The following TRIM29 variants were observed in gnomAD, a reference collection of about 807,000 sequenced individuals.
TRIM29 encodes the protein tripartite motif-containing protein 29.
TRIM29 carries 52 observed loss-of-function variants against 57.3 expected under a neutral mutation model. That is an observed-to-expected ratio of 0.91 (90% CI 0.73 to 1.14). The LOEUF (loss-of-function observed/expected upper bound fraction) is 1.14. Ranked by LOEUF, TRIM29 falls within the 50% of genes most tolerant of loss-of-function variation. The pLI is 0.00. For synonymous variants in TRIM29, 319 were observed against 316.9 expected (o/e 1.01, Z -0.07); for missense variants, 753 against 774.6 (o/e 0.97, Z 0.33).
intron 1 of TRIM29, among the ~76,000 whole-genome samples, chr11:120,132,077 C>G (rs1044200084): frequency 2.0e-5 from 3 of 151,624 alleles, no homozygotes; most frequent in Non-Finnish European, 4.4e-5. Context: ...AAGAGGCGCA[C>G]CTAGAGGTGG....
intron 8 of TRIM29, among the ~76,000 whole-genome samples, chr11:120,112,980 T>G (rs1863172492): frequency 6.6e-6 from 1 of 152,156 alleles, no homozygotes; most frequent in African/African-American, 2.4e-5. Context: ...ACTCAGCTGG[T>G]AAGCAAGGAG....
chr11:120,112,549 A>C, intron 8 of TRIM29, 73 bp from the exon 9 acceptor site: 1 of 1,537,942 alleles, frequency 6.5e-7, no homozygotes, highest in Non-Finnish European at 9.0e-7. Context: ...ACCCTACCCT[A>C]ACCTGCCTCA....
chr11:120,120,546 GCAC>G, intron 6 of TRIM29, 24 bp downstream of exon 6: 1 of 1,602,350 alleles, frequency 6.2e-7, no homozygotes, highest in Non-Finnish European at 8.5e-7. Flanking sequence ...TGAACTCTGT[GCAC>G]CCTTGAGCTG....
intron 2 of TRIM29, 63 bp downstream of exon 2, chr11:120,128,337 G>C: frequency 1.3e-6 from 2 of 1,486,106 alleles, no homozygotes; most frequent in Non-Finnish European, 1.9e-6. Flanking sequence ...GCCAAGGCCT[G>C]CGTCTTTCCA....
At chr11:120,127,894 A>C (rs1467444439) in intron 2 of TRIM29, among the ~76,000 whole-genome samples, 2 of 152,234 alleles carry the variant, frequency 1.3e-5, no homozygotes, top group African/African-American at 4.8e-5. Context: ...AACCCTAACC[A>C]GAACCAAACA....
intron 4 of TRIM29, among the ~76,000 whole-genome samples, chr11:120,123,646 G>A (rs1446618518): frequency 6.6e-6 from 1 of 152,184 alleles, no homozygotes; most frequent in Admixed American, 6.5e-5. Flanking sequence ...AACTCAAACA[G>A]ATCTGCTGCT....
intron 7 of TRIM29, chr11:120,116,834 C>T: frequency 4.2e-6 from 1 of 237,406 alleles, no homozygotes; most frequent in Non-Finnish European, 8.5e-6. Flanking sequence ...GTGGGGCATG[C>T]ATCCCTCTCC....
intron 2 of TRIM29, among the ~76,000 whole-genome samples, chr11:120,127,841 G>A (rs1166524680): frequency 6.6e-6 from 1 of 152,108 alleles, no homozygotes; most frequent in Non-Finnish European, 1.5e-5. Context: ...ATCATTCCCT[G>A]TGGGCCCCAA....
chr11:120,123,068 G>A lies in TRIM29; in HGVS notation c.1334-13C>T, dbSNP rs769296441. 1.4e-5 allele frequency: 22 copies of A among 1,613,648 alleles called. No homozygotes were observed. The African/African-American group carries it at 2.5e-4, about 19-fold the overall frequency. On this transcript the variant is annotated splice_polypyrimidine_tract_variant and intron_variant, in intron 4 of 8. Transcript: ENST00000341846. Reference sequence around the variant, plus strand: ...CGATGGTCACCACCTAGGAAGCAGAGGGTCGGGTCAGCAGAGGAGCCAGGT... The same window carrying A: ...CGATGGTCACCACCTAGGAAGCAGAAGGTCGGGTCAGCAGAGGAGCCAGGT...
intron 3 of TRIM29, among the ~76,000 whole-genome samples, chr11:120,126,913 T>C (rs1056204054): frequency 2.6e-5 from 4 of 152,188 alleles, no homozygotes; most frequent in Non-Finnish European, 4.4e-5. Flanking sequence ...CATGCAGTAG[T>C]ATCTAAAACA....
Position 120,127,588 on chromosome 11 carries a change from G to A in TRIM29, c.901-19C>T, listed in dbSNP as rs1447844629. ...TGAAGCTCTGGAGGTCCAGAGTCAG[G>A]GAAGAGATTAGGCAGGGCTTTAGTT... is the stretch of plus-strand genomic sequence containing the variant. On this transcript the variant is annotated intron_variant, in intron 2 of 8. Transcript: ENST00000341846. 6.2e-7 allele frequency: 1 copy of A among 1,608,838 alleles called. No individual in the cohort carries two copies. Among genetic ancestry groups the A allele is most frequent in the Admixed American group, 1.7e-5 (1 of 59,738 alleles).
chr11:120,113,969 G>A (rs1444317888), intron 8 of TRIM29, among the ~76,000 whole-genome samples: 1 of 152,144 alleles, frequency 6.6e-6, no homozygotes, highest in Non-Finnish European at 1.5e-5. Context: ...CATACAGCAG[G>A]TGGAAGAGCT....
intron 1 of TRIM29, among the ~76,000 whole-genome samples, chr11:120,135,777 T>A (rs1267162997): frequency 6.6e-6 from 1 of 152,078 alleles, no homozygotes; most frequent in Non-Finnish European, 1.5e-5. Flanking sequence ...ATCAACCAGC[T>A]CCTCCTGGTC....
At chr11:120,132,743 C>A (rs2135027429) in intron 1 of TRIM29, among the ~76,000 whole-genome samples, 1 of 152,310 alleles carries the variant, frequency 6.6e-6, no homozygotes, top group South Asian at 2.1e-4. Flanking sequence ...CAGTTAATTG[C>A]CAAATTTGTA....
At chr11:120,135,070 C>G (rs900979916) in intron 1 of TRIM29, among the ~76,000 whole-genome samples, 1 of 152,168 alleles carries the variant, frequency 6.6e-6, no homozygotes, top group East Asian at 1.9e-4. Context: ...TGCCAGAACC[C>G]GAACTCTGAA....
chr11:120,113,331 G>T (rs1474366156), intron 8 of TRIM29, among the ~76,000 whole-genome samples: 1 of 152,128 alleles, frequency 6.6e-6, no homozygotes, highest in Non-Finnish European at 1.5e-5. Context: ...ACCCTGCCCA[G>T]ATAACTTCAT....
chr11:120,137,544 C>A lies in TRIM29; in HGVS notation c.488G>T (p.Arg163Leu), dbSNP rs545668916. The A allele has an allele frequency of 4.4e-6, 7 of 1,609,008 alleles. No homozygotes were observed. The highest frequency in any genetic ancestry group is 5.9e-6 in the Non-Finnish European group (7 of 1,179,956). The change falls in exon 1 of 9, where the codon CGG becomes CTG. Residue 163 changes from arginine (R) to leucine (L), a missense_variant. Physicochemically the swap from Arg to Leu is moderately radical, Grantham distance 102. Coordinates refer to ENST00000341846, the MANE Select transcript of TRIM29 (RefSeq NM_012101.4). The surrounding 1 kb of genome is among the most constrained non-coding windows in gnomAD (Gnocchi z 6.2). ...CACCTCCTCGGAGCCGGACTTGGAC[C>A]GTGAAAAAAGGCCCGTGTCGGCCCG... ...YPRADTGLFS[R>L]SKSGSEEVLC...
chr11:120,134,077 C>T (rs766036780), intron 1 of TRIM29, among the ~76,000 whole-genome samples: 3 of 152,294 alleles, frequency 2.0e-5, no homozygotes, highest in Middle Eastern at 3.4e-3. Context: ...CAATCTCACC[C>T]ACCTAACCTA....
intron 2 of TRIM29, 62 bp downstream of exon 2, chr11:120,128,338 C>T (rs567905579): frequency 3.0e-5 from 45 of 1,489,882 alleles, no homozygotes; most frequent in African/African-American, 2.4e-4. Flanking sequence ...CCAAGGCCTG[C>T]GTCTTTCCAG....
Sources: gnomAD v4.1 joint callset for allele counts (sites outside exome capture counted in the v4.1 genomes callset) on GRCh38, gnomAD v4.1.1 for gene constraint, Gnocchi (gnomAD v3.1) non-coding constraint, MANE v1.5 for transcripts, NCBI Gene and HGNC (gene_info 2026-07-23, HGNC 2026-07-21) for gene names.